PFAS: variants seen among roughly 807,000 people sequenced by gnomAD.
PFAS encodes FGAM synthase.
PFAS carries 97 observed loss-of-function variants against 140.6 expected under a neutral mutation model. The observed-to-expected ratio is 0.69, with a 90% CI of 0.59 to 0.82. PFAS has a LOEUF of 0.82. Among genes scored for constraint, PFAS ranks in the 40% least tolerant of loss-of-function variants. The pLI is 0.00. For synonymous variants in PFAS, 679 were observed against 718.8 expected (o/e 0.94, Z 0.88); for missense variants, 1,656 against 1,780.2 (o/e 0.93, Z 1.26).
chr17:8,266,503 G>A lies in PFAS; in HGVS notation c.2821+150G>A, dbSNP rs1989820483. The stretch of plus-strand genomic sequence containing the variant: ...TTTCTGTGCTGTCTCTCTGACAGCT[G>A]AACTGGATGGAACTGGCTGACACCC... On this transcript the variant is annotated intron_variant, in intron 22 of 27. Transcript: ENST00000314666. This position sits in a 1 kb window ranked among gnomAD's most constrained non-coding sequence, Gnocchi z 5.0. The A allele has an allele frequency of 1.4e-6, 2 of 1,467,028 alleles. No homozygotes were observed. The highest frequency in any genetic ancestry group is 9.0e-7 in the Non-Finnish European group (1 of 1,111,868). The allele number at this position is 1,467,028 out of a possible 1,614,324, so 90.9% of individuals were successfully genotyped here. A position where few individuals can be genotyped will look rare whatever the true frequency, so the allele number is the denominator to read the frequency against.
chr17:8,260,321 G>A (rs1392524320), intron 11 of PFAS, among the ~76,000 whole-genome samples: 1 of 152,102 alleles, frequency 6.6e-6, no homozygotes, highest in African/African-American at 2.4e-5. Flanking sequence ...TAATCTTAAG[G>A]GATCACTGTT....
At chr17:8,257,103 C>A (rs918228900) in intron 9 of PFAS, 140 bp downstream of exon 9, 4 of 903,144 alleles carry the variant, frequency 4.4e-6, no homozygotes, top group Non-Finnish European at 7.1e-6. Context: ...GCTGGCCTTT[C>A]ACTAACTATG....
At position 8,256,640 on chromosome 17, in the gene PFAS, T is replaced by G; in HGVS notation, c.938T>G (p.Phe313Cys). 1.2e-6 allele frequency: 2 copies of G among 1,614,066 alleles called. No individual in the cohort carries two copies. The highest frequency in any genetic ancestry group is 1.7e-6 in the Non-Finnish European group (2 of 1,180,012). Residue 313 changes from phenylalanine (F) to cysteine (C), a missense_variant, in exon 8 of 28, where the codon TTT becomes TGT. By Grantham distance (205) the Phe-to-Cys change is radical. Transcript: ENST00000314666. ...GTCTTCACAGCAGAGACTCACAACTTTCCCACAGGTGAGCTGGGTTCCCTG... is the reference window on the plus strand; with the variant it reads ...GTCTTCACAGCAGAGACTCACAACTGTCCCACAGGTGAGCTGGGTTCCCTG... ...HVVFTAETHN[F>C]PTGVCPFSGA...
At position 8,255,616 on chromosome 17, in the gene PFAS, C is replaced by A. The variant is rs1203948528; in HGVS notation, c.499C>A (p.Pro167Thr). The change falls in exon 5 of 28, where the codon CCG becomes ACG. Residue 167 changes from proline (P) to threonine (T), a missense_variant. Physicochemically the swap from Pro to Thr is conservative, Grantham distance 38. This residue lies in a region of PFAS where 773 missense variants were observed against 757.3 expected (regional missense o/e 1.02). Transcript: ENST00000314666. Reference protein sequence around the residue: ...PIQSFSPESMPEPLNGPINIL... With the variant: ...PIQSFSPESMTEPLNGPINIL... ...CCAGAGTTTCTCCCCTGAGAGCATGCCGGAACCCCTCAATGGCCCTATCAA... is the reference window on the plus strand; with the variant it reads ...CCAGAGTTTCTCCCCTGAGAGCATGACGGAACCCCTCAATGGCCCTATCAA... The A allele has an allele frequency of 6.3e-7, 1 of 1,582,500 alleles. No homozygotes were observed. The highest frequency in any genetic ancestry group is 8.6e-7 in the Non-Finnish European group (1 of 1,166,854).
chr17:8,259,125 CA>C (rs34642794), intron 11 of PFAS, among the ~76,000 whole-genome samples: 36,040 of 118,520 alleles, frequency 0.3, 4,711 homozygotes, highest in Admixed American at 0.45. Context: ...GCACCACTGT[CA>C]AAAAAAAAAA....
intron 2 of PFAS, 38 bp downstream of exon 2, chr17:8,254,117 C>T (rs745878832): frequency 1.1e-5 from 17 of 1,613,758 alleles, no homozygotes; most frequent in South Asian, 2.2e-5. Flanking sequence ...GGACATGCCT[C>T]GGTGCTGGGG....
chr17:8,269,111 T>G lies in PFAS; in HGVS notation c.3864T>G (p.Asp1288Glu), dbSNP rs971729343. The G allele has an allele frequency of 1.1e-5, 18 of 1,613,984 alleles. No homozygotes were observed. Among genetic ancestry groups the G allele is most frequent in the Non-Finnish European group, 1.4e-5 (17 of 1,180,036 alleles). ...GCGTGGCTGGCATCTGCTCCTGTGATGGCCGCCACCTGGCTGTCATGCCTC... is the reference window on the plus strand; with the variant it reads ...GCGTGGCTGGCATCTGCTCCTGTGAGGGCCGCCACCTGGCTGTCATGCCTC... Reference protein sequence around the residue: ...PGGVAGICSCDGRHLAVMPHP... With the variant: ...PGGVAGICSCEGRHLAVMPHP... Residue 1288 changes from aspartate (D) to glutamate (E), a missense_variant, in exon 28 of 28, where the codon GAT becomes GAG. Physicochemically the swap from Asp to Glu is conservative, Grantham distance 45. Transcript: ENST00000314666.
rs576895491 is a variant in PFAS, at chr17:8,263,295, G to A, written c.1567+30G>A. Reference sequence around the variant, plus strand: ...GGAAAGGAGTTGGAACAAGAGACTGGGCCTGCCTGGTATCCTGCCAGGTTT... The same window carrying A: ...GGAAAGGAGTTGGAACAAGAGACTGAGCCTGCCTGGTATCCTGCCAGGTTT... On this transcript the variant is annotated intron_variant, in intron 13 of 27. Coordinates refer to ENST00000314666, the MANE Select transcript of PFAS (RefSeq NM_012393.3). 95 of 1,612,150 alleles carry A rather than the reference G, an allele frequency of 5.9e-5. No homozygotes were observed. The East Asian group carries it at 1.9e-3, about 31-fold the overall frequency.
chr17:8,254,985 G>A, intron 3 of PFAS, 42 bp from the exon 4 acceptor site: 1 of 1,445,392 alleles, frequency 6.9e-7, no homozygotes, highest in South Asian at 1.1e-5. Context: ...GCTGAGGCCT[G>A]CCGGGGGTTC....
rs567256199 is a variant in PFAS at position 8,269,088 on chromosome 17, G to A, written c.3841G>A (p.Val1281Met). 3.2e-5 allele frequency: 52 copies of A among 1,614,052 alleles called. No individual in the cohort carries two copies. Among genetic ancestry groups the A allele is most frequent in the South Asian group, 1.3e-4 (12 of 91,088 alleles). Residue 1281 changes from valine (V) to methionine (M), a missense_variant, in exon 28 of 28, where the codon GTG becomes ATG. Around this residue, in one of 2 missense-constraint regions of PFAS, gnomAD observed 883 missense variants for 1,023.0 expected, o/e 0.86. Coordinates refer to ENST00000314666, the MANE Select transcript of PFAS (RefSeq NM_012393.3). ...PLNPNGSPGG[V>M]AGICSCDGRH... ...GAATCCCAATGGGTCCCCAGGGGGC[G>A]TGGCTGGCATCTGCTCCTGTGATGG...
At position 8,267,986 on chromosome 17, in the gene PFAS, A is replaced by G. The variant is rs190419101; in HGVS notation, c.3382+321A>G. On this transcript the variant is annotated intron_variant, in intron 26 of 27. Transcript: ENST00000314666. This position sits in a 1 kb window ranked among gnomAD's most constrained non-coding sequence, Gnocchi z 4.9. ...TATATTATTTATATATATTATTTAT[A>G]TATTATTAAAATATATTATTTATAT... is the stretch of plus-strand genomic sequence containing the variant. 4.8e-3 allele frequency among the ~76,000 whole-genome samples: 684 copies of G among 143,826 alleles called. 8 individuals carry two copies. Among genetic ancestry groups the G allele is most frequent in the African/African-American group, 0.016 (643 of 39,396 alleles). 94.4% of individuals were successfully genotyped at this position (143,826 alleles called of 152,430 possible).
chr17:8,266,547 C>G lies in PFAS; in HGVS notation c.2821+194C>G. The G allele has an allele frequency of 1.4e-6, 2 of 1,450,186 alleles. No homozygotes were observed. The highest frequency in any genetic ancestry group is 1.8e-6 in the Non-Finnish European group (2 of 1,106,012). 89.8% of individuals were successfully genotyped at this position (1,450,186 alleles called of 1,614,324 possible). On this transcript the variant is annotated intron_variant, in intron 22 of 27. Transcript: ENST00000314666. The surrounding 1 kb of genome is among the most constrained non-coding windows in gnomAD (Gnocchi z 5.0). Reference sequence around the variant, plus strand: ...GACACCCACCATGTTCCTGACTGCACCCCTCTGAGACTTCCCATCCCTGAG... The same window carrying G: ...GACACCCACCATGTTCCTGACTGCAGCCCTCTGAGACTTCCCATCCCTGAG...
intron 16 of PFAS, 35 bp downstream of exon 16, chr17:8,264,372 G>A (rs762076031): frequency 2.5e-6 from 4 of 1,612,574 alleles, no homozygotes; most frequent in African/African-American, 2.7e-5. Flanking sequence ...TTTTCCTGTG[G>A]TCCTCTCCAC....
rs71159571 is a variant in PFAS at position 8,251,668 on chromosome 17, CTTTTTTTTTTTT to C, written c.-79-2181_-79-2170del. 5.9e-5 allele frequency among the ~76,000 whole-genome samples: 5 copies of C among 84,338 alleles called. No homozygotes were observed. The East Asian group carries it at 1.3e-3, about 22-fold the overall frequency. 55.3% of individuals were successfully genotyped at this position (84,338 alleles called of 152,430 possible). On this transcript the variant is annotated intron_variant, in intron 1 of 27. Coordinates refer to ENST00000314666, the MANE Select transcript of PFAS (RefSeq NM_012393.3). ...GAATTCAGGATCTGCTTAAGCAATT[CTTTTTTTTTTTT>C]TTTTTTTTTGAGTCAGAGTCTTACT...
intron 12 of PFAS, 33 bp from the exon 13 acceptor site, chr17:8,263,076 C>T (rs376050496): frequency 1.4e-5 from 22 of 1,612,562 alleles, no homozygotes; most frequent in African/African-American, 9.3e-5. Context: ...CTTCCAGTCT[C>T]GCTGAGCTGA....
In PFAS at chr17:8,268,960, T is replaced by C. The variant is rs1434850480; in HGVS notation, c.3713T>C (p.Val1238Ala). The C allele has an allele frequency of 6.2e-7, 1 of 1,614,020 alleles. No individual in the cohort carries two copies. Among genetic ancestry groups the C allele is most frequent in the Non-Finnish European group, 8.5e-7 (1 of 1,180,002 alleles). The change falls in exon 28 of 28, where the codon GTA becomes GCA. Residue 1238 changes from valine to alanine, a missense_variant. Around this residue, in one of 2 missense-constraint regions of PFAS, gnomAD observed 883 missense variants for 1,023.0 expected, o/e 0.86. Transcript: ENST00000314666. The part of the protein sequence containing the change: ...PVWSAHGEGY[V>A]AFSSPELQAQ... ...CCTCCTCCTTCCATCCCAGGTTACG[T>C]AGCATTTTCTTCTCCGGAACTCCAA...
At chr17:8,263,724 C>T (rs546681649) in intron 14 of PFAS, 51 bp from the exon 15 acceptor site, 76 of 1,605,438 alleles carry the variant, frequency 4.7e-5, no homozygotes, top group Non-Finnish European at 5.7e-5. Flanking sequence ...CAACATGAGA[C>T]GTGGGAGTGC....
At chr17:8,254,571 A>T in intron 3 of PFAS, among the ~76,000 whole-genome samples, 1 of 152,142 alleles carries the variant, frequency 6.6e-6, no homozygotes, top group Non-Finnish European at 1.5e-5. Context: ...TGGGAGGCCG[A>T]GGTGGGGCAG....
chr17:8,257,260 T>C (rs1337480075), intron 9 of PFAS, among the ~76,000 whole-genome samples: 3 of 152,192 alleles, frequency 2.0e-5, no homozygotes, highest in Non-Finnish European at 4.4e-5. Flanking sequence ...TCTGGTTTCT[T>C]AGCCTGAGAA....
Sources: allele counts gnomAD v4.1 joint callset (sites outside exome capture counted in the v4.1 genomes callset), GRCh38; gene constraint gnomAD v4.1.1; regional missense constraint gnomAD v4.1.1; non-coding constraint Gnocchi (gnomAD v3.1); transcripts MANE v1.5; gene names NCBI Gene and HGNC (gene_info 2026-07-23, HGNC 2026-07-21).